NETO2: variants seen among roughly 807,000 people sequenced by gnomAD.
NETO2 encodes neuropilin and tolloid like 2.
Under a neutral mutation model 62.5 loss-of-function variants are expected in NETO2, and 28 were observed. The observed-to-expected ratio is 0.45, with a 90% CI of 0.33 to 0.61. NETO2 has a LOEUF of 0.61. Among genes scored for constraint, NETO2 ranks in the 20% least tolerant of loss-of-function variants. The probability of loss-of-function intolerance (pLI) is 0.02; values close to 1 mark genes in which losing one functional copy is unlikely to be tolerated. For synonymous variants in NETO2, 214 were observed against 219.1 expected, an observed-to-expected ratio of 0.98 and a Z score of 0.21; for missense variants, 548 against 643.2, an observed-to-expected ratio of 0.85 and a Z score of 1.60.
intron 1 of NETO2, among the ~76,000 whole-genome samples, chr16:47,140,466 C>G (rs1964439891): frequency 2.0e-5 from 3 of 152,048 alleles, no homozygotes; most frequent in African/African-American, 4.8e-5. Context: ...ATTTTTCTAT[C>G]TTTTCTAAAA....
chr16:47,125,791 T>A (rs1297261662), intron 4 of NETO2, among the ~76,000 whole-genome samples: 2 of 151,944 alleles, frequency 1.3e-5, no homozygotes, highest in African/African-American at 2.4e-5. Flanking sequence ...TCTGGGCTCA[T>A]GCAATCCTCC....
chr16:47,109,372 AC>A, intron 7 of NETO2, 110 bp downstream of exon 7: 1 of 545,940 alleles, frequency 1.8e-6, no homozygotes, highest in Non-Finnish European at 3.0e-6. Flanking sequence ...CTGTAGTAAA[AC>A]AAAAAAAAAC....
intron 7 of NETO2, among the ~76,000 whole-genome samples, chr16:47,092,852 G>C (rs1185230803): frequency 1.3e-5 from 2 of 152,158 alleles, no homozygotes; most frequent in African/African-American, 4.8e-5. Flanking sequence ...TCCAAAACAT[G>C]ACACTTTCCC....
intron 1 of NETO2, among the ~76,000 whole-genome samples, chr16:47,136,004 A>G (rs1964356137): frequency 6.6e-6 from 1 of 152,170 alleles, no homozygotes; most frequent in Non-Finnish European, 1.5e-5. Context: ...GAGCAGTAAA[A>G]TAATGCTGCA....
chr16:47,134,701 CAG>C (rs1964333698), intron 1 of NETO2, among the ~76,000 whole-genome samples: 1 of 152,162 alleles, frequency 6.6e-6, no homozygotes, highest in Non-Finnish European at 1.5e-5. Flanking sequence ...AGCCAGCAGA[CAG>C]GGCATGTAAG....
At chr16:47,139,846 G>A (rs114791113) in intron 1 of NETO2, among the ~76,000 whole-genome samples, 37 of 152,258 alleles carry the variant, frequency 2.4e-4, no homozygotes, top group African/African-American at 8.9e-4. Flanking sequence ...CTGAGATGGC[G>A]CTTTTGTAAG....
chr16:47,128,470 A>G lies in NETO2; in HGVS notation c.336T>C (p.Phe112=), dbSNP rs766129153. 11 of 1,614,126 alleles carry G rather than the reference A, an allele frequency of 6.8e-6. No homozygotes were observed. The East Asian group carries it at 2.2e-4, about 33-fold the overall frequency. ...FDHLEVRDGP[F]GFSPLIDRYC... Reference sequence around the variant, plus strand: ...AACGATCTATAAGAGGAGAGAAACCAAATGGCCCATCTCGAACTTCCAAGT... The same window carrying G: ...AACGATCTATAAGAGGAGAGAAACCGAATGGCCCATCTCGAACTTCCAAGT... The change falls in exon 4 of 9, where the codon TTT becomes TTC. Residue 112 remains phenylalanine (F), a synonymous_variant. Transcript: ENST00000562435.
intron 7 of NETO2, among the ~76,000 whole-genome samples, chr16:47,099,227 G>A (rs568348480): frequency 1.3e-5 from 2 of 152,268 alleles, no homozygotes; most frequent in African/African-American, 4.8e-5. Context: ...CGTAAGTGAA[G>A]GAGAAATAAA....
chr16:47,117,881 G>A (rs1330720631), intron 6 of NETO2, among the ~76,000 whole-genome samples: 2 of 152,078 alleles, frequency 1.3e-5, no homozygotes, highest in Admixed American at 6.5e-5. Context: ...GAGCTCAGGA[G>A]TTTGAGAACA....
chr16:47,133,538 G>A (rs1325954228), intron 1 of NETO2, among the ~76,000 whole-genome samples: 4 of 151,454 alleles, frequency 2.6e-5, no homozygotes, highest in Non-Finnish European at 4.4e-5. Flanking sequence ...CTGCCTGGGC[G>A]AAAGAGTGAG....
Position 47,079,583 on chromosome 16 carries a change from A to C in NETO2, c.*3638T>G, listed in dbSNP as rs1963027924. ...GCACTCCAGCCTGGGCGACAGAGCG[A>C]GACTCCGTCTCAAAAAAGAAAAAAA... On this transcript the variant is annotated 3_prime_UTR_variant, in exon 9 of 9. Transcript: ENST00000562435. 2.0e-5 allele frequency: 3 copies of C among 152,452 alleles called. No homozygotes were observed. The highest frequency in any genetic ancestry group is 2.0e-4 in the Admixed American group (3 of 15,288). 9.4% of individuals were successfully genotyped at this position (152,452 alleles called of 1,614,324 possible). A position where few individuals can be genotyped will look rare whatever the true frequency, so the allele number is the denominator to read the frequency against.
chr16:47,129,302 T>C lies in NETO2; in HGVS notation c.154A>G (p.Ser52Gly). 6.2e-7 allele frequency: 1 copy of C among 1,614,088 alleles called. No individual in the cohort carries two copies. Among genetic ancestry groups the C allele is most frequent in the Non-Finnish European group, 8.5e-7 (1 of 1,179,940 alleles). Residue 52 changes from serine to glycine, a missense_variant, in exon 3 of 9, where the codon AGC (serine) becomes GGC (glycine). Ser to Gly is a moderately conservative substitution (Grantham distance 56). Coordinates refer to ENST00000562435, the MANE Select transcript of NETO2 (RefSeq NM_018092.5). ...ATQCGIWVRT[S>G]NGGHFASPNY... ...GGCGAAGCAAAATGACCTCCATTGCTGGTTCGAACCCAAATGCCACACTGG... is the reference window on the plus strand; with the variant it reads ...GGCGAAGCAAAATGACCTCCATTGCCGGTTCGAACCCAAATGCCACACTGG...
intron 6 of NETO2, among the ~76,000 whole-genome samples, chr16:47,122,452 T>C (rs1596736101): frequency 6.6e-6 from 1 of 152,288 alleles, no homozygotes; most frequent in Middle Eastern, 3.4e-3. Flanking sequence ...TCCTGAAGAA[T>C]TTCAGAAATT....
Position 47,078,225 on chromosome 16 carries a change from C to A in NETO2, c.*4996G>T, listed in dbSNP as rs1289393352. 1 of 152,170 alleles carries A rather than the reference C, an allele frequency of 6.6e-6. No individual in the cohort carries two copies. Among genetic ancestry groups the A allele is most frequent in the African/African-American group, 2.4e-5 (1 of 41,442 alleles). 9.4% of individuals were successfully genotyped at this position (152,170 alleles called of 1,614,324 possible). ...TAGTGGATAGGAAATGCCAACTTTG[C>A]CCCGGAAGGAAATACAGATTCTGTT... On this transcript the variant is annotated 3_prime_UTR_variant, in exon 9 of 9. Transcript: ENST00000562435.
chr16:47,104,456 C>T (rs1371540006), intron 7 of NETO2, among the ~76,000 whole-genome samples: 1 of 152,172 alleles, frequency 6.6e-6, no homozygotes, highest in Non-Finnish European at 1.5e-5. Flanking sequence ...CAATATTACT[C>T]AAAGTGACCC....
Position 47,109,729 on chromosome 16 carries a change from A to G in NETO2, c.655-18T>C. The G allele has an allele frequency of 2.0e-6, 3 of 1,510,644 alleles. No homozygotes were observed. The highest frequency in any genetic ancestry group is 2.8e-6 in the Non-Finnish European group (3 of 1,088,472). 93.6% of individuals were successfully genotyped at this position (1,510,644 alleles called of 1,614,324 possible). A position where few individuals can be genotyped will look rare whatever the true frequency, so the allele number is the denominator to read the frequency against. On this transcript the variant is annotated intron_variant, in intron 6 of 8. Coordinates refer to ENST00000562435, the MANE Select transcript of NETO2 (RefSeq NM_018092.5). Reference sequence around the variant, plus strand: ...AAATAAATCTGTAATATTAACACAAAAACACTGCTTTTAAAAAGATATATT... The same window carrying G: ...AAATAAATCTGTAATATTAACACAAGAACACTGCTTTTAAAAAGATATATT...
At chr16:47,099,572 T>C (rs1249316045) in intron 7 of NETO2, among the ~76,000 whole-genome samples, 4 of 151,924 alleles carry the variant, frequency 2.6e-5, no homozygotes, top group Admixed American at 1.3e-4. Flanking sequence ...ATCCATCTCA[T>C]GTGCAAAGAC....
intron 7 of NETO2, among the ~76,000 whole-genome samples, chr16:47,086,910 A>G (rs111789680): frequency 6.6e-6 from 1 of 152,236 alleles, no homozygotes; most frequent in South Asian, 2.1e-4. Context: ...GGGTGGATGG[A>G]TAAACAATGT....
Position 47,081,664 on chromosome 16 carries a change from A to G in NETO2, c.*1557T>C, listed in dbSNP as rs1488453870. On this transcript the variant is annotated 3_prime_UTR_variant, in exon 9 of 9. Transcript: ENST00000562435. Reference sequence around the variant, plus strand: ...ATTTCATTGAGAATTTACTAACAAAATATAGAAAACAAGAATTTACCTCTT... The same window carrying G: ...ATTTCATTGAGAATTTACTAACAAAGTATAGAAAACAAGAATTTACCTCTT... The G allele has an allele frequency of 6.6e-6, 1 of 152,596 alleles. No homozygotes were observed. Among genetic ancestry groups the G allele is most frequent in the Non-Finnish European group, 1.5e-5 (1 of 67,990 alleles). 9.5% of individuals were successfully genotyped at this position (152,596 alleles called of 1,614,324 possible). A position where few individuals can be genotyped will look rare whatever the true frequency, so the allele number is the denominator to read the frequency against.
Sources: gnomAD v4.1 joint callset for allele counts (sites outside exome capture counted in the v4.1 genomes callset) on GRCh38, gnomAD v4.1.1 for gene constraint, MANE v1.5 for transcripts, NCBI Gene and HGNC (gene_info 2026-07-23, HGNC 2026-07-21) for gene names.